SETD3: variants seen among roughly 807,000 people sequenced by gnomAD.
SETD3 encodes actin-histidine N-methyltransferase.
In SETD3, 19 loss-of-function variants were observed where a neutral mutation model predicts 63.0. The observed-to-expected ratio is 0.30, with a 90% CI of 0.21 to 0.44. SETD3 has a LOEUF of 0.44. Among genes scored for constraint, SETD3 ranks in the 20% least tolerant of loss-of-function variants. SETD3 has a pLI of 1.00. For missense variants in SETD3, 587 were observed against 728.5 expected (o/e 0.81, Z 2.24); for synonymous variants, 286 against 264.1 (o/e 1.08, Z -0.80).
At position 99,399,741 on chromosome 14, in the gene SETD3, A is replaced by AATTTTTTTTTTTTTTTTTTTTTTTTTTT. The variant is rs1566869064; in HGVS notation, c.1338+357_1338+358insAAAAAAAAAAAAAAAAAAAAAAAAAAAT. On this transcript the variant is annotated intron_variant, in intron 12 of 12. Transcript: ENST00000331768. ...GAATTAACAAGAAATCTTTCATTAA[A>AATTTTTTTTTTTTTTTTTTTTTTTTTTT]TTTTTTTTTTTTTTTTTTTTTTTTT... Among the ~76,000 whole-genome samples the AATTTTTTTTTTTTTTTTTTTTTTTTTTT allele has an allele frequency of 1.6e-5, 2 of 127,728 alleles. 1 individual carries two copies. Among genetic ancestry groups the AATTTTTTTTTTTTTTTTTTTTTTTTTTT allele is most frequent in the African/African-American group, 5.9e-5 (2 of 33,634 alleles). 83.8% of individuals were successfully genotyped at this position (127,728 alleles called of 152,430 possible).
At chr14:99,440,176 C>T (rs1243806581) in intron 6 of SETD3, among the ~76,000 whole-genome samples, 1 of 152,070 alleles carries the variant, frequency 6.6e-6, no homozygotes, top group Non-Finnish European at 1.5e-5. Context: ...TATGTTCTTC[C>T]CGATGAGACT....
upstream of SETD3, among the ~76,000 whole-genome samples, chr14:99,483,518 C>T (rs998898239): frequency 2.6e-5 from 4 of 152,202 alleles, no homozygotes; most frequent in African/African-American, 7.2e-5. Context: ...TGACTGCGCT[C>T]CAGCCTGGGC....
chr14:99,472,341 C>T (rs1333141080), intron 1 of SETD3, among the ~76,000 whole-genome samples: 1 of 152,214 alleles, frequency 6.6e-6, no homozygotes, highest in Non-Finnish European at 1.5e-5. Flanking sequence ...TTCCTAAATT[C>T]ACCCAATATT....
chr14:99,450,976 A>G (rs1373294288), intron 6 of SETD3, among the ~76,000 whole-genome samples: 2 of 152,212 alleles, frequency 1.3e-5, no homozygotes, highest in Non-Finnish European at 2.9e-5. Flanking sequence ...GGCCCATTAC[A>G]TGGCACTGAT....
intron 1 of SETD3, among the ~76,000 whole-genome samples, chr14:99,466,590 G>A (rs1266324296): frequency 6.9e-6 from 1 of 145,406 alleles, no homozygotes; most frequent in Admixed American, 7.0e-5. Context: ...CTCAAAGAAA[G>A]TAAGGGACAT....
At chr14:99,416,426 T>C (rs1354108954) in intron 6 of SETD3, among the ~76,000 whole-genome samples, 1 of 152,228 alleles carries the variant, frequency 6.6e-6, no homozygotes, top group African/African-American at 2.4e-5. Context: ...GTTTTGTTGA[T>C]TACAATAGCC....
intron 10 of SETD3, 106 bp from the exon 11 acceptor site, chr14:99,404,416 C>G (rs1274017668): frequency 2.0e-6 from 2 of 1,001,012 alleles, no homozygotes; most frequent in South Asian, 1.4e-5. Flanking sequence ...TCAAGGAGAG[C>G]TGAGCTGGAA....
chr14:99,481,917 A>G (rs1186696258), upstream of SETD3, among the ~76,000 whole-genome samples: 2 of 152,126 alleles, frequency 1.3e-5, no homozygotes, highest in Non-Finnish European at 2.9e-5. Context: ...GGGTACTCCG[A>G]CTTTGGAGTT....
chr14:99,420,271 G>A (rs575847279), intron 6 of SETD3, among the ~76,000 whole-genome samples: 1 of 152,220 alleles, frequency 6.6e-6, no homozygotes, highest in African/African-American at 2.4e-5. Flanking sequence ...AGCAAGGCAG[G>A]GACCATGTCT....
At chr14:99,465,134 T>G (rs1055475921) in intron 2 of SETD3, among the ~76,000 whole-genome samples, 4 of 151,636 alleles carry the variant, frequency 2.6e-5, no homozygotes. Flanking sequence ...GGACCCTGTT[T>G]AAAAAAGAAA....
At chr14:99,424,203 G>A (rs1892753447) in intron 6 of SETD3, among the ~76,000 whole-genome samples, 2 of 152,210 alleles carry the variant, frequency 1.3e-5, no homozygotes, top group Admixed American at 1.3e-4. Flanking sequence ...TCATAGATGA[G>A]AAAAGACTTC....
intron 1 of SETD3, among the ~76,000 whole-genome samples, 200 bp from the exon 2 acceptor site, chr14:99,466,013 G>A (rs944388948): frequency 6.6e-6 from 1 of 151,720 alleles, no homozygotes; most frequent in Non-Finnish European, 1.5e-5. Flanking sequence ...AATCTGCTTT[G>A]TAGTCTCTGG....
At chr14:99,476,807 G>A (rs553599709) in intron 1 of SETD3, among the ~76,000 whole-genome samples, 12 of 152,114 alleles carry the variant, frequency 7.9e-5, no homozygotes, top group Non-Finnish European at 1.2e-4. Context: ...AAAATGGAAC[G>A]TGAAACTCAG....
At chr14:99,462,792 C>T (rs1223338441) in intron 3 of SETD3, among the ~76,000 whole-genome samples, 1 of 152,100 alleles carries the variant, frequency 6.6e-6, no homozygotes, top group Non-Finnish European at 1.5e-5. Context: ...TTAAAGAGAG[C>T]AAATAAAAAA....
At chr14:99,446,525 G>A (rs1302765517) in intron 6 of SETD3, among the ~76,000 whole-genome samples, 2 of 152,132 alleles carry the variant, frequency 1.3e-5, no homozygotes, top group South Asian at 2.1e-4. Flanking sequence ...GGACTCCATG[G>A]TAACTGTTTG....
rs1891620343 is a variant in SETD3 at position 99,405,291 on chromosome 14, G to A, written c.1005C>T (p.Asp335=). 1.2e-6 allele frequency: 2 copies of A among 1,613,972 alleles called. No individual in the cohort carries two copies. Among genetic ancestry groups the A allele is most frequent in the Non-Finnish European group, 1.7e-6 (2 of 1,180,020 alleles). The change falls in exon 10 of 13, where the codon GAC becomes GAT. Residue 335 remains aspartate, a synonymous_variant. Coordinates refer to ENST00000331768, the MANE Select transcript of SETD3 (RefSeq NM_032233.3). The part of the protein sequence containing the change: ...SGFFFDNNSH[D]RVKIKLGVSK... Reference sequence around the variant, plus strand: ...TCACTCCAAGCTTTATTTTCACTCTGTCGTGTGAGTTATTGTCAAAGAAAA... The same window carrying A: ...TCACTCCAAGCTTTATTTTCACTCTATCGTGTGAGTTATTGTCAAAGAAAA...
chr14:99,416,790 C>T (rs1319611728), intron 6 of SETD3, among the ~76,000 whole-genome samples: 1 of 152,136 alleles, frequency 6.6e-6, no homozygotes, highest in African/African-American at 2.4e-5. Context: ...TTTTTACTTT[C>T]TTGAGCACAA....
intron 2 of SETD3, 116 bp from the exon 3 acceptor site, chr14:99,463,694 T>A: frequency 1.3e-6 from 1 of 772,430 alleles, no homozygotes; most frequent in East Asian, 2.7e-5. Flanking sequence ...GGTTTATTTT[T>A]AAAAGACAGA....
At chr14:99,415,475 A>G (rs556624811) in intron 6 of SETD3, among the ~76,000 whole-genome samples, 4 of 152,338 alleles carry the variant, frequency 2.6e-5, no homozygotes, top group African/African-American at 9.6e-5. Flanking sequence ...ACAACTATCC[A>G]AACATGGGTG....
Sources: allele counts gnomAD v4.1 joint callset (sites outside exome capture counted in the v4.1 genomes callset), GRCh38; gene constraint gnomAD v4.1.1; transcripts MANE v1.5; gene names NCBI Gene and HGNC (gene_info 2026-07-23, HGNC 2026-07-21).